The following CAMK2D variants were observed in gnomAD, a reference collection of about 807,000 sequenced individuals.
CAMK2D encodes calcium/calmodulin dependent protein kinase II delta, also known as calcium/calmodulin-dependent protein kinase type II subunit delta.
Under a neutral mutation model 84.0 loss-of-function variants are expected in CAMK2D, and 37 were observed. That is an observed-to-expected ratio of 0.44 (90% CI 0.34 to 0.58). The LOEUF (loss-of-function observed/expected upper bound fraction) is 0.58. CAMK2D is among the 20% of genes least tolerant of loss of function. The pLI is 0.02. For missense variants in CAMK2D, 448 were observed against 652.5 expected, an observed-to-expected ratio of 0.69 and a Z score of 3.41; for synonymous variants, 202 against 212.5, an observed-to-expected ratio of 0.95 and a Z score of 0.43.
chr4:113,747,710 A>C (rs1295529604), intron 2 of CAMK2D, among the ~76,000 whole-genome samples: 2 of 152,248 alleles, frequency 1.3e-5, no homozygotes, highest in East Asian at 3.9e-4. Context: ...TCACTAAAAC[A>C]AAATATGAGG....
At chr4:113,590,062 A>G (rs1414010153) in intron 4 of CAMK2D, among the ~76,000 whole-genome samples, 1 of 152,210 alleles carries the variant, frequency 6.6e-6, no homozygotes, top group South Asian at 2.1e-4. Context: ...GAGAGGCACA[A>G]AATCCTACTC....
intron 3 of CAMK2D, among the ~76,000 whole-genome samples, chr4:113,649,188 C>A (rs912502336): frequency 1.3e-5 from 2 of 152,198 alleles, no homozygotes; most frequent in African/African-American, 2.4e-5. Flanking sequence ...CACCTACATT[C>A]ACTCCAGAGA....
At chr4:113,532,589 T>G (rs2098465317) in intron 7 of CAMK2D, among the ~76,000 whole-genome samples, 1 of 152,160 alleles carries the variant, frequency 6.6e-6, no homozygotes, top group African/African-American at 2.4e-5. Flanking sequence ...TTGCCAGCAC[T>G]TCTGTCCCCT....
At chr4:113,617,531 C>T (rs191304948) in intron 3 of CAMK2D, among the ~76,000 whole-genome samples, 1 of 151,892 alleles carries the variant, frequency 6.6e-6, no homozygotes, top group Admixed American at 6.6e-5. Context: ...CTCTCTGAAC[C>T]TTATCAGAAA....
chr4:113,651,292 T>G lies in CAMK2D; in HGVS notation c.220+10421A>C, dbSNP rs181184437. Among the ~76,000 whole-genome samples, 240 of 152,308 alleles carry G rather than the reference T, an allele frequency of 1.6e-3. 1 individual carries two copies. Among genetic ancestry groups the G allele is most frequent in the Non-Finnish European group, 2.9e-3 (197 of 67,992 alleles). The stretch of plus-strand genomic sequence containing the variant: ...GTGAGCTCATTAGAGCTAGATATGA[T>G]TTTGTTAAACTGATGTACTATAAAT... On this transcript the variant is annotated intron_variant, in intron 3 of 20. Transcript: ENST00000511664.
chr4:113,735,569 G>A (rs183673665), intron 2 of CAMK2D, among the ~76,000 whole-genome samples: 130 of 152,212 alleles, frequency 8.5e-4, no homozygotes, highest in East Asian at 7.7e-4. Context: ...ATAATTTACA[G>A]TGTTTTCATA....
At chr4:113,706,627 C>A (rs1470660250) in intron 2 of CAMK2D, among the ~76,000 whole-genome samples, 1 of 152,146 alleles carries the variant, frequency 6.6e-6, no homozygotes, top group South Asian at 2.1e-4. Context: ...GGTATGGCTA[C>A]AACTTTGCCT....
At chr4:113,588,591 G>T (rs911850514) in intron 4 of CAMK2D, among the ~76,000 whole-genome samples, 1 of 152,146 alleles carries the variant, frequency 6.6e-6, no homozygotes, top group African/African-American at 2.4e-5. Context: ...GCAATAGTTG[G>T]CACTGAGGCA....
rs955129769 is a variant in CAMK2D at position 113,452,186 on chromosome 4, T to C, written c.*2359A>G. ...GAAGGCTGGATTGGAGGGTACAGTT[T>C]AGAGAAGCTTTTAGGAGTCTTAGTT... On this transcript the variant is annotated 3_prime_UTR_variant, in exon 21 of 21. Coordinates refer to ENST00000511664, the MANE Select transcript of CAMK2D (RefSeq NM_001321571.2). The C allele has an allele frequency of 6.6e-6, 1 of 151,554 alleles. No homozygotes were observed. The highest frequency in any genetic ancestry group is 2.4e-5 in the African/African-American group (1 of 41,226). 9.4% of individuals were successfully genotyped at this position (151,554 alleles called of 1,614,324 possible).
At chr4:113,618,550 C>A (rs955390194) in intron 3 of CAMK2D, among the ~76,000 whole-genome samples, 4 of 152,122 alleles carry the variant, frequency 2.6e-5, no homozygotes, top group African/African-American at 7.2e-5. Context: ...AGCAGGAAAT[C>A]TGTGAGTTTA....
chr4:113,563,349 A>G (rs2098707482), intron 4 of CAMK2D, among the ~76,000 whole-genome samples: 1 of 152,230 alleles, frequency 6.6e-6, no homozygotes. Flanking sequence ...AGTTACTACA[A>G]TGCAAACCAG....
At chr4:113,499,671 T>C (rs750876731) in intron 16 of CAMK2D, among the ~76,000 whole-genome samples, 1 of 152,190 alleles carries the variant, frequency 6.6e-6, no homozygotes, top group Non-Finnish European at 1.5e-5. Flanking sequence ...TTAATATTTC[T>C]GTTTCAAATA....
intron 2 of CAMK2D, among the ~76,000 whole-genome samples, chr4:113,680,586 C>A (rs754091649): frequency 2.6e-5 from 4 of 152,138 alleles, no homozygotes; most frequent in Admixed American, 6.5e-5. Flanking sequence ...GTGGGACAAA[C>A]AAACAAAAAG....
chr4:113,529,977 GT>G (rs2098447267), intron 8 of CAMK2D, among the ~76,000 whole-genome samples: 1 of 152,184 alleles, frequency 6.6e-6, no homozygotes, highest in African/African-American at 2.4e-5. Flanking sequence ...AAAGGTAAAA[GT>G]TTCTATCCTG....
At chr4:113,548,109 A>G (rs1173251932) in intron 5 of CAMK2D, among the ~76,000 whole-genome samples, 1 of 152,210 alleles carries the variant, frequency 6.6e-6, no homozygotes, top group Non-Finnish European at 1.5e-5. Flanking sequence ...GTATTGTTCT[A>G]AAAGCTGTCA....
At chr4:113,711,007 C>G (rs963621902) in intron 2 of CAMK2D, among the ~76,000 whole-genome samples, 1 of 151,932 alleles carries the variant, frequency 6.6e-6, no homozygotes, top group Non-Finnish European at 1.5e-5. Context: ...GGAATTGCTA[C>G]AAAGTTGTGC....
At chr4:113,677,541 C>G in intron 2 of CAMK2D, 1 of 976,438 alleles carries the variant, frequency 1.0e-6, no homozygotes. Flanking sequence ...GTCTTACTTC[C>G]GTCAGACATG....
intron 17 of CAMK2D, among the ~76,000 whole-genome samples, chr4:113,465,310 G>C (rs538898033): frequency 1.0e-3 from 152 of 152,264 alleles, no homozygotes; most frequent in Admixed American, 3.6e-3. Context: ...AAGGATTACA[G>C]GTGTGAGCCA....
chr4:113,499,837 A>T (rs1205142446), intron 16 of CAMK2D, among the ~76,000 whole-genome samples: 1 of 152,198 alleles, frequency 6.6e-6, no homozygotes, highest in African/African-American at 2.4e-5. Flanking sequence ...AAAGGAGGTG[A>T]CCTAACTGCA....
Sources: gnomAD v4.1 joint callset for allele counts (sites outside exome capture counted in the v4.1 genomes callset) on GRCh38, gnomAD v4.1.1 for gene constraint, MANE v1.5 for transcripts, NCBI Gene and HGNC (gene_info 2026-07-23, HGNC 2026-07-21) for gene names.